FAHD1: variants seen among roughly 807,000 people sequenced by gnomAD.
FAHD1 encodes FAH domain containing oxaloacetate decarboxylase 1, also known as oxaloacetate tautomerase FAHD1, mitochondrial.
In FAHD1, 14 loss-of-function variants were observed where a neutral mutation model predicts 12.7. That is an observed-to-expected ratio of 1.10 (90% CI 0.73 to 1.72). The LOEUF (loss-of-function observed/expected upper bound fraction) is 1.72. Among genes scored for constraint, FAHD1 ranks in the 40% most tolerant of loss-of-function variants. The probability of loss-of-function intolerance (pLI) is 0.00; values close to 1 mark genes in which losing one functional copy is unlikely to be tolerated. For missense variants in FAHD1, 351 were observed against 298.9 expected, an observed-to-expected ratio of 1.17 and a Z score of -1.29; for synonymous variants, 153 against 124.9, an observed-to-expected ratio of 1.22 and a Z score of -1.50.
intron 1 of FAHD1, chr16:1,834,140 C>T (rs936749882): frequency 3.5e-5 from 22 of 626,692 alleles, no homozygotes; most frequent in Admixed American, 1.2e-4. Context: ...TTTCTAGAAA[C>T]ATGTTCACCA....
chr16:1,832,335 T>C (rs1898637275), downstream of FAHD1, among the ~76,000 whole-genome samples: 1 of 150,752 alleles, frequency 6.6e-6, no homozygotes, highest in Non-Finnish European at 1.5e-5. Flanking sequence ...CACACCCGGC[T>C]AATTTTTTTG....
rs767879757 is a variant in FAHD1 at position 1,827,326 on chromosome 16, G to T, written c.88G>T (p.Glu30Ter). Reference sequence around the variant, plus strand: ...GAGGAACTACGCGGACCACGTCAGGGAGATGCGCAGCGCGGTGTTGAGCGA... The same window carrying T: ...GAGGAACTACGCGGACCACGTCAGGTAGATGCGCAGCGCGGTGTTGAGCGA... The change falls in exon 1 of 1, where the codon GAG becomes TAG. Residue 30 changes from glutamate to a stop codon, truncating the protein, a stop_gained. Transcript: ENST00000427358. LOFTEE classifies it high-confidence loss of function. The T allele has an allele frequency of 3.7e-6, 6 of 1,613,240 alleles. No individual in the cohort carries two copies. Among genetic ancestry groups the T allele is most frequent in the Non-Finnish European group, 5.1e-6 (6 of 1,179,976 alleles).
intron 1 of FAHD1, among the ~76,000 whole-genome samples, chr16:1,837,379 T>C (rs1158116721): frequency 3.3e-5 from 5 of 151,986 alleles, no homozygotes; most frequent in Non-Finnish European, 5.9e-5. Flanking sequence ...CCTTTTGGGG[T>C]TCAGGGGCCA....
downstream of FAHD1, among the ~76,000 whole-genome samples, chr16:1,832,316 GCCCT>G (rs1567269680): frequency 3.4e-5 from 5 of 148,852 alleles, no homozygotes; most frequent in African/African-American, 9.8e-5. Flanking sequence ...GACTACAGGC[GCCCT>G]CCACCACACC....
chr16:1,827,254 C>A (rs1898489490), exon 1 of FAHD1: 1 of 1,610,530 alleles, frequency 6.2e-7, no homozygotes, highest in African/African-American at 1.3e-5. Context: ...AGCATCCAGG[C>A]CATTGTCCCG....
Position 1,839,424 on chromosome 16 carries a change from T to C in FAHD1, c.*171T>C, listed in dbSNP as rs567019697. ...CATGTTAGATGCTTCATTTACAATA[T>C]AACCACAGCTGGAACTGAAAAGAAA... is the stretch of plus-strand genomic sequence containing the variant. On this transcript the variant is annotated 3_prime_UTR_variant, in exon 3 of 3. Transcript: ENST00000382666. 69 of 1,611,364 alleles carry C rather than the reference T, an allele frequency of 4.3e-5. No homozygotes were observed. The South Asian group carries it at 7.4e-4, about 17-fold the overall frequency.
exon 3 of FAHD1, chr16:1,839,568 G>A (rs932352299): frequency 6.0e-5 from 47 of 784,254 alleles, no homozygotes; most frequent in Non-Finnish European, 8.1e-5. Context: ...TCAGTGCTAT[G>A]CGGTCTACAA....
exon 1 of FAHD1, chr16:1,827,672 T>G: frequency 6.2e-7 from 1 of 1,614,114 alleles, no homozygotes; most frequent in Non-Finnish European, 8.5e-7. Flanking sequence ...AAGCTGAAGC[T>G]CTGGCTCAAG....
chr16:1,831,773 A>G (rs1175870717), downstream of FAHD1, among the ~76,000 whole-genome samples: 1 of 152,164 alleles, frequency 6.6e-6, no homozygotes, highest in African/African-American at 2.4e-5. Flanking sequence ...CAGTGGTGGC[A>G]TGAGATTCTC....
At chr16:1,834,265 T>C (rs1429035661) in intron 1 of FAHD1, 1 of 1,592,474 alleles carries the variant, frequency 6.3e-7, no homozygotes, top group Non-Finnish European at 8.6e-7. Flanking sequence ...TTTAAACATG[T>C]TTTTGTCCAG....
downstream of FAHD1, among the ~76,000 whole-genome samples, chr16:1,830,944 A>ACACACACACACACACAC (rs57025691): frequency 6.8e-6 from 1 of 147,206 alleles, no homozygotes; most frequent in Admixed American, 6.8e-5. Context: ...ACACACACAC[A>ACACACACACACACACAC]CCCATATTTT....
At chr16:1,833,500 A>T (rs72762867), downstream of FAHD1, among the ~76,000 whole-genome samples, 26,494 of 149,082 alleles carry the variant, frequency 0.18, 2,490 homozygotes, top group South Asian at 0.27. Flanking sequence ...ATCCTGTCAG[A>T]TCTGTCAGAT....
chr16:1,832,057 T>C (rs1221928229), downstream of FAHD1, among the ~76,000 whole-genome samples: 1 of 152,176 alleles, frequency 6.6e-6, no homozygotes, highest in East Asian at 1.9e-4. Flanking sequence ...CTTTGAAATT[T>C]TGACACTTTT....
chr16:1,833,810 A>G (rs1002833015), downstream of FAHD1, among the ~76,000 whole-genome samples: 1 of 152,056 alleles, frequency 6.6e-6, no homozygotes, highest in African/African-American at 2.4e-5. Context: ...GGCATCCCAA[A>G]GTGCTGGGAT....
At chr16:1,837,356 C>G (rs1442274191) in intron 1 of FAHD1, among the ~76,000 whole-genome samples, 1 of 152,054 alleles carries the variant, frequency 6.6e-6, no homozygotes, top group Non-Finnish European at 1.5e-5. Flanking sequence ...GGGGTGGGGA[C>G]AACCTAGTCT....
exon 2 of FAHD1, chr16:1,838,083 A>G: frequency 2.3e-6 from 2 of 857,300 alleles, no homozygotes; most frequent in Non-Finnish European, 3.6e-6. Flanking sequence ...TGCAGCCTCG[A>G]ACTCCCGGGG....
At chr16:1,837,015 T>G (rs12325282) in intron 1 of FAHD1, among the ~76,000 whole-genome samples, 27,030 of 151,986 alleles carry the variant, frequency 0.18, 2,560 homozygotes, top group South Asian at 0.27. Context: ...TGTGACCCAG[T>G]GCAAGTGGCA....
chr16:1,839,740 T>C, exon 3 of FAHD1: 2 of 285,358 alleles, frequency 7.0e-6, no homozygotes, highest in South Asian at 1.0e-4. Flanking sequence ...TCCCTTCTCG[T>C]ATCCCAGCCT....
In FAHD1 at chr16:1,827,410, A is replaced by G. The variant is rs745399106; in HGVS notation, c.172A>G (p.Met58Val). The G allele has an allele frequency of 8.6e-5, 139 of 1,610,398 alleles. No homozygotes were observed. In the South Asian group the frequency reaches 1.5e-3, roughly 17 times the overall value. ...CGCGCCCGAGGGCTCGCCCATCCTCATGCCCGCGTACACTCGCAACCTGCA... is the reference window on the plus strand; with the variant it reads ...CGCGCCCGAGGGCTCGCCCATCCTCGTGCCCGCGTACACTCGCAACCTGCA... The change falls in exon 1 of 1, where the codon ATG (methionine) becomes GTG (valine). Residue 58 changes from methionine to valine, a missense_variant. Coordinates refer to ENST00000427358, the Ensembl canonical transcript of FAHD1.
Sources: allele counts gnomAD v4.1 joint callset (sites outside exome capture counted in the v4.1 genomes callset), GRCh38; gene constraint gnomAD v4.1.1; transcripts MANE v1.5; gene names NCBI Gene and HGNC (gene_info 2026-07-23, HGNC 2026-07-21).